The following HIVEP3 variants were observed in gnomAD, a reference collection of about 807,000 sequenced individuals.
HIVEP3 encodes transcription factor HIVEP3.
Under a neutral mutation model 152.8 loss-of-function variants are expected in HIVEP3, and 49 were observed. The ratio of observed to expected loss-of-function variants is 0.32; its 90% CI spans 0.26 to 0.41. HIVEP3 has a LOEUF of 0.41. Among genes scored for constraint, HIVEP3 ranks in the 10% least tolerant of loss-of-function variants. The probability of loss-of-function intolerance (pLI) is 1.00; values close to 1 mark genes in which losing one functional copy is unlikely to be tolerated. For missense variants in HIVEP3, 2,790 were observed against 3,103.3 expected (o/e 0.90, Z 2.40); for synonymous variants, 1,269 against 1,289.0 (o/e 0.98, Z 0.33).
intron 2 of HIVEP3, among the ~76,000 whole-genome samples, chr1:41,688,814 C>T (rs906550048): frequency 1.3e-5 from 2 of 151,778 alleles, no homozygotes; most frequent in African/African-American, 2.4e-5. Flanking sequence ...GTTCCCCAAA[C>T]GGATCTGTTT....
intron 1 of HIVEP3, among the ~76,000 whole-genome samples, chr1:41,904,165 G>C (rs994312574): frequency 5.9e-5 from 9 of 151,970 alleles, no homozygotes; most frequent in African/African-American, 2.2e-4. Context: ...CCAAAGTCTT[G>C]GGATTACAGG....
At chr1:41,880,242 T>C (rs1644240204) in intron 1 of HIVEP3, among the ~76,000 whole-genome samples, 1 of 152,076 alleles carries the variant, frequency 6.6e-6, no homozygotes, top group African/African-American at 2.4e-5. Flanking sequence ...GGTCTCCCTA[T>C]GTTGCCCAGG....
intron 1 of HIVEP3, among the ~76,000 whole-genome samples, chr1:41,712,716 A>ACT (rs1646532669): frequency 6.6e-6 from 1 of 152,214 alleles, no homozygotes. Context: ...CTCTTGTATC[A>ACT]CAGGCCAGAG....
Position 41,562,624 on chromosome 1 carries a change from T to C in HIVEP3, c.5207+12920A>G, listed in dbSNP as rs1251100755. Reference sequence around the variant, plus strand: ...CTTTCTCTCTCTCTCTCTCTCTCTCTCTCTCTCTCCCTCTCTCTCTCTTTC... The same window carrying C: ...CTTTCTCTCTCTCTCTCTCTCTCTCCCTCTCTCTCCCTCTCTCTCTCTTTC... On this transcript the variant is annotated intron_variant, in intron 5 of 8. Coordinates refer to ENST00000372583, the MANE Select transcript of HIVEP3 (RefSeq NM_024503.5). Among the ~76,000 whole-genome samples the C allele has an allele frequency of 4.5e-3, 491 of 109,860 alleles. 3 individuals carry two copies. Among genetic ancestry groups the C allele is most frequent in the South Asian group, 0.011 (37 of 3,406 alleles). 72.1% of individuals were successfully genotyped at this position (109,860 alleles called of 152,430 possible).
intron 1 of HIVEP3, among the ~76,000 whole-genome samples, chr1:41,976,802 G>A (rs1182282742): frequency 6.6e-6 from 1 of 152,214 alleles, no homozygotes; most frequent in Admixed American, 6.5e-5. Flanking sequence ...AGGACGCCAT[G>A]TTATGCTGCA....
chr1:41,680,757 C>T (rs988602221), intron 2 of HIVEP3, among the ~76,000 whole-genome samples: 4 of 152,200 alleles, frequency 2.6e-5, no homozygotes, highest in Admixed American at 6.5e-5. Flanking sequence ...TAATACCTGT[C>T]GTCTACAACA....
chr1:41,752,930 T>G (rs1465630290), intron 1 of HIVEP3, among the ~76,000 whole-genome samples: 1 of 152,232 alleles, frequency 6.6e-6, no homozygotes, highest in Non-Finnish European at 1.5e-5. Flanking sequence ...CACATCTGAG[T>G]CTGGCTACTA....
intron 2 of HIVEP3, among the ~76,000 whole-genome samples, chr1:41,633,027 G>C (rs1354926713): frequency 6.6e-6 from 1 of 152,170 alleles, no homozygotes; most frequent in South Asian, 2.1e-4. Context: ...GGTGGAAGGA[G>C]AGAGACTTCT....
chr1:41,529,055 C>G (rs1285034262), intron 5 of HIVEP3, among the ~76,000 whole-genome samples: 1 of 144,602 alleles, frequency 6.9e-6, no homozygotes, highest in African/African-American at 2.6e-5. Flanking sequence ...GCTCACACCC[C>G]CACCCTCACC....
intron 3 of HIVEP3, among the ~76,000 whole-genome samples, chr1:41,627,292 G>C (rs1204220733): frequency 6.6e-6 from 1 of 152,236 alleles, no homozygotes; most frequent in Non-Finnish European, 1.5e-5. Context: ...CATTTTGCAA[G>C]TGAGAAGGAT....
intron 1 of HIVEP3, among the ~76,000 whole-genome samples, chr1:41,945,563 A>C (rs1448792782): frequency 6.6e-6 from 1 of 152,184 alleles, no homozygotes; most frequent in East Asian, 1.9e-4. Flanking sequence ...CTGGTATCTC[A>C]GTCAGGTCAA....
chr1:41,996,454 A>G (rs1252088744), intron 1 of HIVEP3, among the ~76,000 whole-genome samples: 1 of 151,604 alleles, frequency 6.6e-6, no homozygotes, highest in Non-Finnish European at 1.5e-5. Flanking sequence ...GGCTGGACTC[A>G]TAGAGTCCCA....
chr1:41,802,045 G>C (rs1202399926), intron 1 of HIVEP3, among the ~76,000 whole-genome samples: 1 of 152,128 alleles, frequency 6.6e-6, no homozygotes, highest in Non-Finnish European at 1.5e-5. Flanking sequence ...ATGGCGGCTG[G>C]GCCTGGCTTG....
At chr1:41,899,393 C>T (rs1484625165) in intron 1 of HIVEP3, among the ~76,000 whole-genome samples, 6 of 152,104 alleles carry the variant, frequency 3.9e-5, no homozygotes, top group Non-Finnish European at 8.8e-5. Context: ...TGTCAAATGT[C>T]TGTTTTTTAT....
chr1:41,728,336 A>C (rs995383896), intron 1 of HIVEP3, among the ~76,000 whole-genome samples: 1 of 152,222 alleles, frequency 6.6e-6, no homozygotes, highest in Non-Finnish European at 1.5e-5. Context: ...CCTCAGCCCC[A>C]GCCCAGGGAG....
intron 5 of HIVEP3, chr1:41,542,160 C>T (rs1369629452): frequency 6.6e-6 from 1 of 152,262 alleles, no homozygotes; most frequent in Non-Finnish European, 1.5e-5. Context: ...ATGTCTCCCT[C>T]ACCCACCTCA....
At chr1:41,950,246 C>A (rs1395698843) in intron 1 of HIVEP3, among the ~76,000 whole-genome samples, 1 of 152,170 alleles carries the variant, frequency 6.6e-6, no homozygotes, top group Non-Finnish European at 1.5e-5. Flanking sequence ...GCAATGGCTA[C>A]CCTCTTTGGG....
chr1:41,580,251 G>A lies in HIVEP3; in HGVS notation c.4547C>T (p.Pro1516Leu), dbSNP rs1205445003. 1 of 1,613,624 alleles carries A rather than the reference G, an allele frequency of 6.2e-7. No homozygotes were observed. Among genetic ancestry groups the A allele is most frequent in the Non-Finnish European group, 8.5e-7 (1 of 1,179,754 alleles). ...TGTCCCATGGGACAATGCAGGGTGAGGGAGGGGAGGAATTTCCTTTGTGTC... is the reference window on the plus strand; with the variant it reads ...TGTCCCATGGGACAATGCAGGGTGAAGGAGGGGAGGAATTTCCTTTGTGTC... Reference protein sequence around the residue: ...PSDTKEIPPLPHPALSHGTAP... With the variant: ...PSDTKEIPPLLHPALSHGTAP... Residue 1516 changes from proline (P) to leucine (L), a missense_variant, in exon 4 of 9, where the codon CCT becomes CTT. By Grantham distance (98) the Pro-to-Leu change is moderately conservative. Coordinates refer to ENST00000372583, the MANE Select transcript of HIVEP3 (RefSeq NM_024503.5).
At chr1:41,788,035 T>C (rs1472694812) in intron 1 of HIVEP3, among the ~76,000 whole-genome samples, 1 of 152,164 alleles carries the variant, frequency 6.6e-6, no homozygotes, top group Non-Finnish European at 1.5e-5. Flanking sequence ...CAAGCAAAGC[T>C]GCTCTGGGGC....
Sources: allele counts gnomAD v4.1 joint callset (sites outside exome capture counted in the v4.1 genomes callset), GRCh38; gene constraint gnomAD v4.1.1; transcripts MANE v1.5; gene names NCBI Gene and HGNC (gene_info 2026-07-23, HGNC 2026-07-21).